Variants in PPFIBP1 observed in about 807,000 individuals in gnomAD.
PPFIBP1 encodes PPFIB scaffold protein 1, also known as liprin-beta-1.
Under a neutral mutation model 137.8 loss-of-function variants are expected in PPFIBP1, and 112 were observed. That is an observed-to-expected ratio of 0.81 (90% CI 0.70 to 0.95). PPFIBP1 has a LOEUF of 0.95. Among genes scored for constraint, PPFIBP1 ranks in the 40% least tolerant of loss-of-function variants. The probability of loss-of-function intolerance (pLI) is 0.00; values close to 1 mark genes in which losing one functional copy is unlikely to be tolerated. For missense variants in PPFIBP1, 1,083 were observed against 1,196.6 expected (o/e 0.91, Z 1.40); for synonymous variants, 378 against 417.3 (o/e 0.91, Z 1.15).
At chr12:27,620,238 C>T (rs2056205155) in intron 2 of PPFIBP1, among the ~76,000 whole-genome samples, 1 of 152,134 alleles carries the variant, frequency 6.6e-6, no homozygotes, top group African/African-American at 2.4e-5. Context: ...CTTCCATCTC[C>T]ATGCTCAATT....
chr12:27,634,412 T>C (rs971099115), intron 3 of PPFIBP1, among the ~76,000 whole-genome samples: 3 of 152,192 alleles, frequency 2.0e-5, no homozygotes, highest in Non-Finnish European at 4.4e-5. Context: ...TCCAGAAATG[T>C]CCTATGGGCA....
intron 1 of PPFIBP1, among the ~76,000 whole-genome samples, chr12:27,543,880 C>CCCTTTTT (rs1565736990): frequency 9.5e-6 from 1 of 105,794 alleles, no homozygotes. Context: ...CCCGCCCCTG[C>CCCTTTTT]TTTTTTTTTT....
chr12:27,676,778 T>C (rs2060539265), intron 18 of PPFIBP1, 179 bp downstream of exon 18: 2 of 701,354 alleles, frequency 2.9e-6, no homozygotes, highest in African/African-American at 3.6e-5. Flanking sequence ...GTTGTGAAGA[T>C]ATATAGACTC....
chr12:27,551,990 A>T (rs1007901068), intron 1 of PPFIBP1, among the ~76,000 whole-genome samples: 6 of 152,194 alleles, frequency 3.9e-5, no homozygotes, highest in African/African-American at 1.4e-4. Flanking sequence ...CTGCCCCTTC[A>T]AGAACATCTG....
At chr12:27,592,205 C>T (rs1001207149) in intron 2 of PPFIBP1, among the ~76,000 whole-genome samples, 2 of 152,184 alleles carry the variant, frequency 1.3e-5, no homozygotes, top group Admixed American at 6.5e-5. Context: ...TTGGAGCTGT[C>T]GTCCTTTCTG....
At position 27,569,631 on chromosome 12, in the gene PPFIBP1, C is replaced by G. The variant is rs577871027; in HGVS notation, c.-123-8521C>G. 2.0e-5 allele frequency among the ~76,000 whole-genome samples: 3 copies of G among 152,300 alleles called. No individual in the cohort carries two copies. In the South Asian group the frequency reaches 6.2e-4, roughly 32 times the overall value. ...AGTGCAATGGTACAATCTCGGCTAA[C>G]TGCAACCTCTGCCTCCCAGGGGGTT... On this transcript the variant is annotated intron_variant, in intron 1 of 29. Coordinates refer to ENST00000228425, the MANE Select transcript of PPFIBP1 (RefSeq NM_003622.4).
intron 1 of PPFIBP1, among the ~76,000 whole-genome samples, chr12:27,537,000 T>C (rs1945095183): frequency 1.3e-5 from 2 of 152,118 alleles, no homozygotes. Context: ...ATCAGCAAGG[T>C]CATTTTTGCC....
At chr12:27,592,629 A>G in intron 2 of PPFIBP1, 1 of 1,595,772 alleles carries the variant, frequency 6.3e-7, no homozygotes, top group Non-Finnish European at 8.6e-7. Flanking sequence ...AGGCCCACCC[A>G]AAGTTCAGGC....
At chr12:27,678,693 A>G (rs2060672044) in intron 19 of PPFIBP1, among the ~76,000 whole-genome samples, 1 of 151,994 alleles carries the variant, frequency 6.6e-6, no homozygotes, top group South Asian at 2.1e-4. Flanking sequence ...CCCTGTCTCT[A>G]CTAAAAATAC....
At chr12:27,531,376 T>G (rs1944398472) in intron 1 of PPFIBP1, among the ~76,000 whole-genome samples, 1 of 152,072 alleles carries the variant, frequency 6.6e-6, no homozygotes, top group Non-Finnish European at 1.5e-5. Flanking sequence ...CACTGCAACC[T>G]CCACCTCCTG....
chr12:27,656,454 T>G (rs2059206312), intron 8 of PPFIBP1, among the ~76,000 whole-genome samples, 162 bp from the exon 9 acceptor site: 1 of 152,250 alleles, frequency 6.6e-6, no homozygotes, highest in African/African-American at 2.4e-5. Flanking sequence ...TCTTGCTTTT[T>G]GCTTTTCATT....
At chr12:27,674,115 G>A in intron 16 of PPFIBP1, 77 bp from the exon 17 acceptor site, 4 of 1,088,036 alleles carry the variant, frequency 3.7e-6, no homozygotes, top group South Asian at 2.9e-5. Flanking sequence ...TTTAACTTAT[G>A]GAGTTGTATG....
At chr12:27,658,886 C>T (rs2059376080) in intron 10 of PPFIBP1, 38 bp downstream of exon 10, 6 of 1,573,398 alleles carry the variant, frequency 3.8e-6, no homozygotes, top group Non-Finnish European at 5.2e-6. Context: ...TTTACATTCA[C>T]CAAAAATACT....
intron 2 of PPFIBP1, among the ~76,000 whole-genome samples, chr12:27,607,169 G>T (rs980608880): frequency 2.0e-5 from 3 of 152,172 alleles, no homozygotes; most frequent in African/African-American, 7.2e-5. Flanking sequence ...CAAACAAAAG[G>T]CAATTTCTTT....
intron 2 of PPFIBP1, among the ~76,000 whole-genome samples, chr12:27,618,274 G>A (rs868837367): frequency 2.6e-5 from 4 of 152,138 alleles, no homozygotes; most frequent in Non-Finnish European, 4.4e-5. Context: ...CCCTCCTCTC[G>A]GCCAAGGGCA....
chr12:27,672,170 TGTAA>T (rs1399179908), intron 14 of PPFIBP1, among the ~76,000 whole-genome samples: 3 of 152,146 alleles, frequency 2.0e-5, no homozygotes, highest in African/African-American at 7.2e-5. Flanking sequence ...AGTCACGGGC[TGTAA>T]GTGTGTTTGA....
At chr12:27,546,304 G>A (rs1031540653) in intron 1 of PPFIBP1, among the ~76,000 whole-genome samples, 1 of 152,164 alleles carries the variant, frequency 6.6e-6, no homozygotes, top group Admixed American at 6.5e-5. Flanking sequence ...TTGTTAGAAC[G>A]ATACCAGCCC....
intron 4 of PPFIBP1, chr12:27,637,191 G>A (rs2057741674): frequency 1.3e-5 from 2 of 152,114 alleles, no homozygotes; most frequent in South Asian, 4.1e-4. Context: ...TAAGCATCAG[G>A]AATCAGATTT....
At chr12:27,635,339 C>T (rs1330669631) in intron 4 of PPFIBP1, 2 of 599,788 alleles carry the variant, frequency 3.3e-6, no homozygotes, top group African/African-American at 3.7e-5. Context: ...CCTGATTCTG[C>T]CCATAAAAAC....
Sources: gnomAD v4.1 joint callset for allele counts (sites outside exome capture counted in the v4.1 genomes callset) on GRCh38, gnomAD v4.1.1 for gene constraint, MANE v1.5 for transcripts, NCBI Gene and HGNC (gene_info 2026-07-23, HGNC 2026-07-21) for gene names.